The following NCOR1 variants were observed in gnomAD, a reference collection of about 807,000 sequenced individuals.
The protein encoded by NCOR1 is nuclear receptor corepressor 1.
In NCOR1, 63 loss-of-function variants were observed where a neutral mutation model predicts 288.1. The observed-to-expected ratio is 0.22, with a 90% CI of 0.18 to 0.27. The LOEUF is 0.27. Among genes scored for constraint, NCOR1 ranks in the 10% least tolerant of loss-of-function variants. The pLI, the probability that NCOR1 is intolerant of heterozygous loss-of-function variation, is 1.00. For missense variants in NCOR1, 2,397 were observed against 3,019.2 expected (o/e 0.79, Z 4.83); for synonymous variants, 1,007 against 1,065.9 (o/e 0.94, Z 1.08).
chr17:16,197,060 C>A (rs1351381819), intron 1 of NCOR1, among the ~76,000 whole-genome samples: 1 of 151,564 alleles, frequency 6.6e-6, no homozygotes, highest in African/African-American at 2.4e-5. Context: ...TAAGGCCGGG[C>A]GCGGTGGCTC....
At chr17:16,095,299 G>A (rs1204035467) in intron 21 of NCOR1, among the ~76,000 whole-genome samples, 6 of 141,702 alleles carry the variant, frequency 4.2e-5, no homozygotes, top group East Asian at 2.3e-4. Flanking sequence ...CGGCCGCCCC[G>A]TCTGAGAAGT....
chr17:16,038,779 G>A (rs2034141470), intron 44 of NCOR1, among the ~76,000 whole-genome samples: 1 of 151,660 alleles, frequency 6.6e-6, no homozygotes, highest in African/African-American at 2.4e-5. Context: ...GTCTGTGTAT[G>A]TATGTATTTT....
chr17:16,052,533 C>G (rs2059441942), intron 40 of NCOR1, among the ~76,000 whole-genome samples: 1 of 152,012 alleles, frequency 6.6e-6, no homozygotes, highest in Non-Finnish European at 1.5e-5. Context: ...TCACATACAC[C>G]CTCCTAAAAC....
Position 16,064,202 on chromosome 17 carries a change from C to A in NCOR1, c.5102-15G>T, listed in dbSNP as rs552324343. Reference sequence around the variant, plus strand: ...TGTTGGGTGTCCTGTAAAACATAAACCTGCAGCTTAAAGATAAAAATATCA... The same window carrying A: ...TGTTGGGTGTCCTGTAAAACATAAAACTGCAGCTTAAAGATAAAAATATCA... On this transcript the variant is annotated splice_polypyrimidine_tract_variant and intron_variant, in intron 34 of 45. Coordinates refer to ENST00000268712, the MANE Select transcript of NCOR1 (RefSeq NM_006311.4). 3 of 1,606,188 alleles carry A rather than the reference C, an allele frequency of 1.9e-6. No homozygotes were observed. Among genetic ancestry groups the A allele is most frequent in the Non-Finnish European group, 2.6e-6 (3 of 1,175,916 alleles).
Position 16,068,693 on chromosome 17 carries a change from C to T in NCOR1, c.4514-572G>A, listed in dbSNP as rs185813138. On this transcript the variant is annotated intron_variant, in intron 31 of 45. Coordinates refer to ENST00000268712, the MANE Select transcript of NCOR1 (RefSeq NM_006311.4). ...TCCCACCAATAAATATATATTCAAA[C>T]ACTTATTAGCCATCATCCTCAATTT... Among the ~76,000 whole-genome samples the T allele has an allele frequency of 1.5e-4, 22 of 151,312 alleles. No homozygotes were observed. The East Asian group carries it at 1.7e-3, about 12-fold the overall frequency.
In NCOR1 at chr17:16,057,889, G is replaced by A. The variant is rs772882577; in HGVS notation, c.6168+18C>T. 7.8e-5 allele frequency: 122 copies of A among 1,571,968 alleles called. 1 individual carries two copies. The highest frequency in any genetic ancestry group is 1.0e-4 in the Non-Finnish European group (117 of 1,163,702). On this transcript the variant is annotated intron_variant, in intron 39 of 45. Transcript: ENST00000268712. ...TCAAAAAAGAAAAATTAACTAATAAGAATAATGAAAAACTTACACAGATGT... is the reference window on the plus strand; with the variant it reads ...TCAAAAAAGAAAAATTAACTAATAAAAATAATGAAAAACTTACACAGATGT...
At chr17:16,172,298 G>A (rs1419280019) in intron 3 of NCOR1, among the ~76,000 whole-genome samples, 1 of 152,004 alleles carries the variant, frequency 6.6e-6, no homozygotes, top group Non-Finnish European at 1.5e-5. Context: ...GGAGGTTGCA[G>A]TGAGCTGAGA....
At chr17:16,064,043 TG>T (rs1304910529) in intron 35 of NCOR1, 24 bp downstream of exon 35, 1 of 1,612,906 alleles carries the variant, frequency 6.2e-7, no homozygotes, top group Admixed American at 1.7e-5. Flanking sequence ...GTCCAGAGAA[TG>T]GAAGAGCAGT....
In NCOR1 at chr17:16,057,813, A is replaced by G. The variant is rs139992514; in HGVS notation, c.6169-76T>C. On this transcript the variant is annotated intron_variant, in intron 39 of 45. Transcript: ENST00000268712. Reference sequence around the variant, plus strand: ...AAAAAAATAGTATTAAGAAATCTAGATATCTTTATTATAAATTTCTTTTTC... The same window carrying G: ...AAAAAAATAGTATTAAGAAATCTAGGTATCTTTATTATAAATTTCTTTTTC... 1.0e-3 allele frequency: 1,488 copies of G among 1,484,616 alleles called. 14 individuals carry two copies. In the African/African-American group the frequency reaches 0.019, roughly 19 times the overall value. The allele number at this position is 1,484,616 out of a possible 1,614,324, so 92.0% of individuals were successfully genotyped here. A position where few individuals can be genotyped will look rare whatever the true frequency, so the allele number is the denominator to read the frequency against.
intron 44 of NCOR1, among the ~76,000 whole-genome samples, chr17:16,035,205 C>A (rs1002690108): frequency 6.6e-6 from 1 of 152,174 alleles, no homozygotes; most frequent in Non-Finnish European, 1.5e-5. Flanking sequence ...TTGCCAAAGG[C>A]TGGGATGGCT....
At chr17:16,073,636 T>A in intron 27 of NCOR1, 67 bp from the exon 28 acceptor site, 2 of 1,266,842 alleles carry the variant, frequency 1.6e-6, no homozygotes, top group Non-Finnish European at 2.1e-6. Context: ...GTAAATAGGT[T>A]AGTTTCATAG....
At chr17:16,120,663 AT>A (rs1331041218) in intron 16 of NCOR1, among the ~76,000 whole-genome samples, 1 of 152,126 alleles carries the variant, frequency 6.6e-6, no homozygotes. Context: ...GTGAATAAAG[AT>A]TTTTTTATTA....
chr17:16,041,249 C>T (rs1178762221), intron 42 of NCOR1: 1 of 152,078 alleles, frequency 6.6e-6, no homozygotes, highest in African/African-American at 2.4e-5. Flanking sequence ...TGGGAACCGC[C>T]TATAATAAAG....
chr17:16,213,606 A>G (rs1486065867), intron 1 of NCOR1, among the ~76,000 whole-genome samples: 1 of 152,164 alleles, frequency 6.6e-6, no homozygotes, highest in Non-Finnish European at 1.5e-5. Flanking sequence ...AGAGATGTGC[A>G]GAAAAAGCAT....
intron 22 of NCOR1, 136 bp downstream of exon 22, chr17:16,091,727 G>C: frequency 6.7e-7 from 1 of 1,494,562 alleles, no homozygotes; most frequent in South Asian, 1.4e-5. Flanking sequence ...GTCAATTTAA[G>C]GAACTGTGTC....
intron 41 of NCOR1, among the ~76,000 whole-genome samples, chr17:16,047,843 C>T (rs1304098687): frequency 6.6e-6 from 1 of 152,118 alleles, no homozygotes; most frequent in Non-Finnish European, 1.5e-5. Flanking sequence ...TACTCTATGC[C>T]AGGAAAGACA....
chr17:16,187,683 C>T (rs178819), intron 2 of NCOR1, among the ~76,000 whole-genome samples: 151,667 of 152,152 alleles, frequency 1, 75,612 homozygotes, highest in Middle Eastern at 1. Context: ...GGTGGGCAGA[C>T]TGCTTGACCC....
intron 6 of NCOR1, 116 bp downstream of exon 6, chr17:16,158,644 G>T: frequency 1.8e-6 from 1 of 565,874 alleles, no homozygotes; most frequent in Non-Finnish European, 3.0e-6. Flanking sequence ...ATTCAAAATT[G>T]TAAGAGAAAT....
chr17:16,101,739 C>T lies in NCOR1; in HGVS notation c.2201G>A (p.Ser734Asn). 1.1e-5 allele frequency: 17 copies of T among 1,614,212 alleles called. No individual in the cohort carries two copies. Among genetic ancestry groups the T allele is most frequent in the Non-Finnish European group, 1.4e-5 (16 of 1,180,044 alleles). The change falls in exon 20 of 46, where the codon AGC becomes AAC. Residue 734 changes from serine to asparagine, a missense_variant. Ser to Asn is a conservative substitution (Grantham distance 46). Coordinates refer to ENST00000268712, the MANE Select transcript of NCOR1 (RefSeq NM_006311.4). ...AGTAGCATTTTCAGGACTGTCCTCG[C>T]TGGGCTTGACAGCTTCAACTGGTGA... is the stretch of plus-strand genomic sequence containing the variant. Reference protein sequence around the residue: ...EDSEVEAVKPSEDSPENATSR... With the variant: ...EDSEVEAVKPNEDSPENATSR...
Sources: allele counts gnomAD v4.1 joint callset (sites outside exome capture counted in the v4.1 genomes callset), GRCh38; gene constraint gnomAD v4.1.1; transcripts MANE v1.5; gene names NCBI Gene and HGNC (gene_info 2026-07-23, HGNC 2026-07-21).